The following LRRTM4 variants were observed in gnomAD, a reference collection of about 807,000 sequenced individuals.
The protein encoded by LRRTM4 is leucine rich repeat transmembrane neuronal 4.
Under a neutral mutation model 47.6 loss-of-function variants are expected in LRRTM4, and 25 were observed. The observed-to-expected ratio is 0.53, with a 90% CI of 0.38 to 0.73. The LOEUF (loss-of-function observed/expected upper bound fraction) is 0.73. Among genes scored for constraint, LRRTM4 ranks in the 30% least tolerant of loss-of-function variants. The pLI is 0.00. For synonymous variants in LRRTM4, 311 were observed against 269.5 expected (o/e 1.15, Z -1.51); for missense variants, 638 against 713.4 (o/e 0.89, Z 1.20).
chr2:77,337,718 T>G (rs1054183080), intron 3 of LRRTM4, among the ~76,000 whole-genome samples: 6 of 152,116 alleles, frequency 3.9e-5, no homozygotes, highest in Non-Finnish European at 7.4e-5. Context: ...TTAAACCTCT[T>G]GCCTTTATAC....
chr2:76,814,436 A>G (rs1213225027), intron 3 of LRRTM4, among the ~76,000 whole-genome samples: 2 of 152,122 alleles, frequency 1.3e-5, no homozygotes, highest in African/African-American at 4.8e-5. Context: ...TTTTGTAACA[A>G]TGTACACTTG....
chr2:77,249,574 T>C (rs1675546998), intron 3 of LRRTM4, among the ~76,000 whole-genome samples: 1 of 152,078 alleles, frequency 6.6e-6, no homozygotes, highest in Non-Finnish European at 1.5e-5. Context: ...CCATATTCCA[T>C]ATTATATGTC....
intron 3 of LRRTM4, among the ~76,000 whole-genome samples, chr2:77,335,980 T>C (rs563242679): frequency 1.3e-5 from 2 of 152,174 alleles, no homozygotes; most frequent in South Asian, 4.1e-4. Flanking sequence ...TGGGAGTAAC[T>C]GGGTTCACTT....
intron 3 of LRRTM4, among the ~76,000 whole-genome samples, chr2:76,929,207 C>T (rs1039442803): frequency 6.6e-6 from 1 of 152,168 alleles, no homozygotes; most frequent in Non-Finnish European, 1.5e-5. Flanking sequence ...CCAGACATAT[C>T]ACTGGAAGGA....
intron 3 of LRRTM4, among the ~76,000 whole-genome samples, chr2:77,212,334 T>C (rs1344234539): frequency 6.8e-6 from 1 of 146,364 alleles, no homozygotes; most frequent in Non-Finnish European, 1.5e-5. Flanking sequence ...ATAATTTGTG[T>C]AATTCTCAAG....
chr2:77,088,237 G>T (rs973075223), intron 3 of LRRTM4, among the ~76,000 whole-genome samples: 1 of 152,156 alleles, frequency 6.6e-6, no homozygotes, highest in Non-Finnish European at 1.5e-5. Flanking sequence ...GTATCACACA[G>T]AACAGCCTGA....
intron 3 of LRRTM4, among the ~76,000 whole-genome samples, chr2:76,911,510 G>C (rs953825930): frequency 9.2e-5 from 14 of 152,122 alleles, no homozygotes; most frequent in African/African-American, 3.4e-4. Context: ...CAGAATTACA[G>C]CTTTTTCTGT....
intron 3 of LRRTM4, among the ~76,000 whole-genome samples, chr2:77,047,412 G>A (rs1161912696): frequency 6.6e-6 from 1 of 151,986 alleles, no homozygotes; most frequent in Non-Finnish European, 1.5e-5. Context: ...ACTTGTGAAG[G>A]CTAAAACTCT....
At chr2:77,076,996 A>G (rs1255473579) in intron 3 of LRRTM4, among the ~76,000 whole-genome samples, 2 of 152,158 alleles carry the variant, frequency 1.3e-5, no homozygotes, top group African/African-American at 4.8e-5. Flanking sequence ...AGCAACTCTA[A>G]AACAAGCATT....
chr2:76,914,867 G>C (rs991131655), intron 3 of LRRTM4, among the ~76,000 whole-genome samples: 1 of 152,046 alleles, frequency 6.6e-6, no homozygotes, highest in Admixed American at 6.5e-5. Context: ...AAAGAGCAAA[G>C]GCTCTAGATC....
At chr2:76,834,491 A>G (rs934293759) in intron 3 of LRRTM4, among the ~76,000 whole-genome samples, 25 of 152,104 alleles carry the variant, frequency 1.6e-4, no homozygotes, top group African/African-American at 5.3e-4. Flanking sequence ...TATGTTTAAG[A>G]TCTAAGTACA....
chr2:77,198,991 G>A lies in LRRTM4; in HGVS notation c.1551+319327C>T, dbSNP rs72913946. Among the ~76,000 whole-genome samples the A allele has an allele frequency of 6.9e-3, 1,048 of 152,236 alleles. 13 individuals carry two copies. Among genetic ancestry groups the A allele is most frequent in the African/African-American group, 0.024 (994 of 41,542 alleles). ...CCTTGTGTCTTTGGATCCTACCACA[G>A]AGTGACATCTCCAACTTCTGAATTC... On this transcript the variant is annotated intron_variant, in intron 3 of 3. Transcript: ENST00000409884.
chr2:77,510,179 G>A (rs967365593), intron 3 of LRRTM4, among the ~76,000 whole-genome samples: 8 of 152,052 alleles, frequency 5.3e-5, no homozygotes, highest in African/African-American at 1.4e-4. Context: ...TGAAATTTAT[G>A]ATGAAACAAA....
intron 3 of LRRTM4, among the ~76,000 whole-genome samples, chr2:76,974,792 A>G (rs1372611266): frequency 1.3e-5 from 2 of 151,798 alleles, no homozygotes; most frequent in Non-Finnish European, 2.9e-5. Context: ...ATGTACTACA[A>G]AAGTTGTTAA....
intron 3 of LRRTM4, among the ~76,000 whole-genome samples, chr2:77,187,114 C>T (rs1673529206): frequency 6.6e-6 from 1 of 152,062 alleles, no homozygotes; most frequent in Non-Finnish European, 1.5e-5. Flanking sequence ...TTTTCTACAA[C>T]AGGGCCACCA....
chr2:76,982,060 C>A (rs1264876620), intron 3 of LRRTM4, among the ~76,000 whole-genome samples: 1 of 151,960 alleles, frequency 6.6e-6, no homozygotes, highest in Non-Finnish European at 1.5e-5. Flanking sequence ...CAGTGAATTT[C>A]TATTTTCTCA....
chr2:76,991,099 G>A (rs1034872793), intron 3 of LRRTM4, among the ~76,000 whole-genome samples: 6 of 151,666 alleles, frequency 4.0e-5, no homozygotes, highest in South Asian at 4.2e-4. Context: ...TGAAATAAAC[G>A]AAAACAGAGA....
At chr2:76,931,174 T>C (rs747816212) in intron 3 of LRRTM4, among the ~76,000 whole-genome samples, 1 of 152,212 alleles carries the variant, frequency 6.6e-6, no homozygotes, top group Non-Finnish European at 1.5e-5. Flanking sequence ...TTTACTTTTT[T>C]ATCAAGTCAA....
chr2:76,775,389 G>T (rs138701715), intron 3 of LRRTM4, among the ~76,000 whole-genome samples: 4 of 152,148 alleles, frequency 2.6e-5, no homozygotes, highest in Non-Finnish European at 5.9e-5. Flanking sequence ...GCATTTGAGG[G>T]CAAGTAGACC....
Sources: allele counts gnomAD v4.1 joint callset (sites outside exome capture counted in the v4.1 genomes callset), GRCh38; gene constraint gnomAD v4.1.1; transcripts MANE v1.5; gene names NCBI Gene and HGNC (gene_info 2026-07-23, HGNC 2026-07-21).